FAM193A: variants seen among roughly 807,000 people sequenced by gnomAD.
FAM193A encodes the protein protein FAM193A.
FAM193A carries 22 observed loss-of-function variants against 126.5 expected under a neutral mutation model. That is an observed-to-expected ratio of 0.17 (90% confidence interval 0.12 to 0.25). The LOEUF is 0.25. Ranked by LOEUF, FAM193A falls within the 10% of genes least tolerant of loss-of-function variation. The probability of loss-of-function intolerance (pLI) is 1.00; values close to 1 mark genes in which losing one functional copy is unlikely to be tolerated. For missense variants in FAM193A, 1,675 were observed against 1,672.8 expected (o/e 1.00, Z -0.02); for synonymous variants, 761 against 646.8 (o/e 1.18, Z -2.68).
intron 1 of FAM193A, among the ~76,000 whole-genome samples, chr4:2,561,853 A>ATATTTAT (rs1004062317): frequency 6.6e-6 from 1 of 152,088 alleles, no homozygotes; most frequent in African/African-American, 2.4e-5. Context: ...AACATTGTGG[A>ATATTTAT]TATTTATTAG....
At position 2,731,666 on chromosome 4, in the gene FAM193A, A is replaced by G. The variant is rs1176542126; in HGVS notation, c.4455-109A>G. The G allele has an allele frequency of 1.1e-5, 9 of 807,646 alleles. No homozygotes were observed. The East Asian group carries it at 2.2e-4, about 20-fold the overall frequency. 50.0% of individuals were successfully genotyped at this position (807,646 alleles called of 1,614,324 possible). On this transcript the variant is annotated intron_variant, in intron 20 of 20. Transcript: ENST00000637812. ...CCCTCACCGAGAATCTAAACCCCTG[A>G]CCCCGCAGTGAGTTTCTGGCAAGAA...
chr4:2,572,052 C>T (rs1471815792), intron 1 of FAM193A, among the ~76,000 whole-genome samples: 1 of 151,472 alleles, frequency 6.6e-6, no homozygotes, highest in African/African-American at 2.4e-5. Context: ...GTAATCCCAG[C>T]TACTTAGGAG....
intron 13 of FAM193A, among the ~76,000 whole-genome samples, chr4:2,676,994 C>G (rs538787066): frequency 6.6e-6 from 1 of 152,170 alleles, no homozygotes; most frequent in South Asian, 2.1e-4. Context: ...GTTGCCTGTG[C>G]CTTTGGCGTT....
At chr4:2,632,403 C>T (rs1465599688) in intron 5 of FAM193A, among the ~76,000 whole-genome samples, 9 of 151,820 alleles carry the variant, frequency 5.9e-5, no homozygotes, top group African/African-American at 2.2e-4. Flanking sequence ...CCACCTATAC[C>T]AAAAAAATTT....
intron 20 of FAM193A, among the ~76,000 whole-genome samples, chr4:2,718,456 G>A (rs188715232): frequency 1.3e-5 from 2 of 152,164 alleles, no homozygotes; most frequent in African/African-American, 4.8e-5. Flanking sequence ...TCCGGGTGCT[G>A]TGGTTCATGC....
At chr4:2,701,936 C>G (rs928569259) in intron 19 of FAM193A, among the ~76,000 whole-genome samples, 10 of 152,042 alleles carry the variant, frequency 6.6e-5, no homozygotes, top group Non-Finnish European at 1.2e-4. Context: ...ACCACCACAC[C>G]CGGCTAATTT....
intron 20 of FAM193A, among the ~76,000 whole-genome samples, chr4:2,725,044 T>A (rs1364498258): frequency 1.3e-5 from 2 of 151,936 alleles, no homozygotes; most frequent in Non-Finnish European, 2.9e-5. Context: ...GCCCAGCTAA[T>A]TTTTTTGTGT....
At position 2,617,240 on chromosome 4, in the gene FAM193A, T is replaced by TTTTATATATATATATATATA. The variant is rs377206444; in HGVS notation, c.502-8021_502-8020insTTATATATATATATATATAT. 4.8e-4 allele frequency among the ~76,000 whole-genome samples: 17 copies of TTTTATATATATATATATATA among 35,242 alleles called. 3 individuals carry two copies. The highest frequency in any genetic ancestry group is 3.2e-3 in the African/African-American group (12 of 3,698). 23.1% of individuals were successfully genotyped at this position (35,242 alleles called of 152,430 possible). A position where few individuals can be genotyped will look rare whatever the true frequency, so the allele number is the denominator to read the frequency against. On this transcript the variant is annotated intron_variant, in intron 2 of 20. Transcript: ENST00000637812. ...TGTATTGGTCAGAAGTATGTTTTTA[T>TTTTATATATATATATATATA]TATATATATATATATATATATATTT...
In FAM193A at chr4:2,658,814, G is replaced by C. The variant is rs367822444; in HGVS notation, c.1390-744G>C. Among the ~76,000 whole-genome samples the C allele has an allele frequency of 9.2e-5, 14 of 152,308 alleles. No individual in the cohort carries two copies. The South Asian group carries it at 2.9e-3, about 32-fold the overall frequency. ...CGTCCAGGCTGAAGTGCAGTGGCGT[G>C]AACTCGGCTCACTGCAACCTCTGCC... is the stretch of plus-strand genomic sequence containing the variant. On this transcript the variant is annotated intron_variant, in intron 8 of 20. Transcript: ENST00000637812.
At chr4:2,726,723 G>C (rs1490547166) in intron 20 of FAM193A, among the ~76,000 whole-genome samples, 1 of 148,834 alleles carries the variant, frequency 6.7e-6, no homozygotes, top group Non-Finnish European at 1.5e-5. Flanking sequence ...TTGAGGGTCA[G>C]GGGTTTGAGA....
intron 4 of FAM193A, among the ~76,000 whole-genome samples, chr4:2,627,180 AG>A (rs1743054873): frequency 2.9e-5 from 2 of 69,000 alleles, no homozygotes; most frequent in Non-Finnish European, 6.0e-5. Flanking sequence ...TTTTTTTTTG[AG>A]ATGGAGTCTT....
chr4:2,648,903 A>T (rs1174978653), intron 7 of FAM193A, among the ~76,000 whole-genome samples: 1 of 152,128 alleles, frequency 6.6e-6, no homozygotes, highest in Non-Finnish European at 1.5e-5. Flanking sequence ...ACTCCCTGGG[A>T]TGTTCTTGAC....
chr4:2,683,255 C>T (rs1715353262), intron 13 of FAM193A, among the ~76,000 whole-genome samples: 1 of 151,926 alleles, frequency 6.6e-6, no homozygotes, highest in South Asian at 2.1e-4. Flanking sequence ...GGTCCACTTG[C>T]CCCCACCCAG....
In FAM193A at chr4:2,665,869, C is replaced by T. The variant is rs142113477; in HGVS notation, c.2079+2581C>T. On this transcript the variant is annotated intron_variant, in intron 12 of 20. Coordinates refer to ENST00000637812, the MANE Select transcript of FAM193A (RefSeq NM_001366318.2). ...AGTTTCTTTTTCTTTTTTTTTGAGA[C>T]GGAGTCTCGCTCTGTTGCCCAGGCT... Among the ~76,000 whole-genome samples, 125 of 151,940 alleles carry T rather than the reference C, an allele frequency of 8.2e-4. 2 individuals are homozygous for T. In the Middle Eastern group the frequency reaches 0.01, roughly 12 times the overall value.
rs1360811712 is a variant in FAM193A, at chr4:2,552,968, C to A, written c.255+15798C>A. Among the ~76,000 whole-genome samples, 5 of 150,052 alleles carry A rather than the reference C, an allele frequency of 3.3e-5. No individual in the cohort carries two copies. In the South Asian group the frequency reaches 8.4e-4, roughly 25 times the overall value. On this transcript the variant is annotated intron_variant, in intron 1 of 20. Transcript: ENST00000637812. ...CCTCAAGCAATTCTCTTGCCTCAGT[C>A]TCTTAAGTAGCTGGGATTACAGGCG...
intron 5 of FAM193A, among the ~76,000 whole-genome samples, chr4:2,631,890 G>A (rs1743628260): frequency 6.6e-6 from 1 of 152,196 alleles, no homozygotes. Flanking sequence ...CCAGAGACAA[G>A]CCCTCAAAGC....
At chr4:2,623,346 T>G (rs1742668725) in intron 2 of FAM193A, among the ~76,000 whole-genome samples, 1 of 152,154 alleles carries the variant, frequency 6.6e-6, no homozygotes, top group South Asian at 2.1e-4. Flanking sequence ...ATTTTTGTGC[T>G]TTTTTAGTAG....
intron 1 of FAM193A, among the ~76,000 whole-genome samples, chr4:2,580,665 C>A (rs541632541): frequency 2.0e-5 from 3 of 152,282 alleles, no homozygotes; most frequent in Non-Finnish European, 2.9e-5. Context: ...GGGCCTCCCC[C>A]CTCTATCTCT....
chr4:2,625,863 A>G (rs1742911021), intron 3 of FAM193A, among the ~76,000 whole-genome samples: 1 of 151,770 alleles, frequency 6.6e-6, no homozygotes, highest in Non-Finnish European at 1.5e-5. Context: ...ATCTGGGACT[A>G]CAGGCGCGCA....
Sources: gnomAD v4.1 joint callset for allele counts (sites outside exome capture counted in the v4.1 genomes callset) on GRCh38, gnomAD v4.1.1 for gene constraint, MANE v1.5 for transcripts, NCBI Gene and HGNC (gene_info 2026-07-23, HGNC 2026-07-21) for gene names.